SGCZ: variants seen among roughly 807,000 people sequenced by gnomAD.
The protein encoded by SGCZ is sarcoglycan zeta.
SGCZ carries 40 observed loss-of-function variants against 41.3 expected under a neutral mutation model. The observed-to-expected ratio is 0.97, with a 90% confidence interval of 0.75 to 1.26. The LOEUF (loss-of-function observed/expected upper bound fraction) is 1.26. Ranked by LOEUF, SGCZ falls within the 50% of genes most tolerant of loss-of-function variation. The pLI, the probability that SGCZ is intolerant of heterozygous loss-of-function variation, is 0.00. For synonymous variants in SGCZ, 206 were observed against 137.5 expected (o/e 1.50, Z -3.49); for missense variants, 552 against 369.8 (o/e 1.49, Z -4.04).
rs1426715796 is a variant in SGCZ at position 14,255,332 on chromosome 8, G to A, written c.337-17653C>T. ...TGATCTTGTCACATTCACTTCATGA[G>A]CCTCTCTCCTGCTCATTCGAAGATG... On this transcript the variant is annotated intron_variant, in intron 3 of 7. Transcript: ENST00000382080. Among the ~76,000 whole-genome samples, 5 of 152,190 alleles carry A rather than the reference G, an allele frequency of 3.3e-5. No individual in the cohort carries two copies. The East Asian group carries it at 9.7e-4, about 29-fold the overall frequency.
intron 1 of SGCZ, among the ~76,000 whole-genome samples, chr8:14,780,833 A>AT (rs1211241461): frequency 8.5e-5 from 13 of 152,236 alleles, no homozygotes; most frequent in African/African-American, 2.2e-4. Context: ...CAGAGGAATG[A>AT]TTTTTTCTTT....
At chr8:14,492,298 T>C (rs902378313) in intron 2 of SGCZ, among the ~76,000 whole-genome samples, 1 of 152,210 alleles carries the variant, frequency 6.6e-6, no homozygotes, top group African/African-American at 2.4e-5. Flanking sequence ...GGGTAAGGAT[T>C]GGTATAAGCT....
intron 1 of SGCZ, among the ~76,000 whole-genome samples, chr8:14,716,772 C>T (rs1417137052): frequency 6.6e-6 from 1 of 151,988 alleles, no homozygotes; most frequent in Non-Finnish European, 1.5e-5. Flanking sequence ...CCTTTTATTT[C>T]ATTTACCTTG....
In SGCZ at chr8:14,274,363, G is replaced by A. The variant is rs541677888; in HGVS notation, c.337-36684C>T. Among the ~76,000 whole-genome samples, 107 of 152,132 alleles carry A rather than the reference G, an allele frequency of 7.0e-4. 1 individual carries two copies. Among genetic ancestry groups the A allele is most frequent in the Non-Finnish European group, 1.4e-3 (95 of 68,002 alleles). ...TTATTAACGCTGCACTTATTAAGGA[G>A]ACAGTTGGTCCATAAATATTTCACC... On this transcript the variant is annotated intron_variant, in intron 3 of 7. Transcript: ENST00000382080.
intron 1 of SGCZ, among the ~76,000 whole-genome samples, chr8:14,744,418 C>T (rs914400569): frequency 2.0e-5 from 3 of 152,218 alleles, no homozygotes; most frequent in African/African-American, 7.2e-5. Flanking sequence ...ATCTTCTATC[C>T]ATAGGGCTTG....
rs115943684 is a variant in SGCZ, at chr8:15,065,022, C to A, written c.39+172563G>T. The stretch of plus-strand genomic sequence containing the variant: ...CAGGCTTCATTTTGCTAAACTAATT[C>A]AATACAACACCAGCAAGGGAGACTT... On this transcript the variant is annotated intron_variant, in intron 1 of 7. Coordinates refer to ENST00000382080, the MANE Select transcript of SGCZ (RefSeq NM_139167.4). Among the ~76,000 whole-genome samples, 6 of 152,232 alleles carry A rather than the reference C, an allele frequency of 3.9e-5. No individual in the cohort carries two copies. In the South Asian group the frequency reaches 1.2e-3, roughly 32 times the overall value.
intron 1 of SGCZ, among the ~76,000 whole-genome samples, chr8:14,631,846 A>G (rs1212839421): frequency 1.3e-5 from 2 of 152,062 alleles, no homozygotes; most frequent in Non-Finnish European, 2.9e-5. Context: ...TTTATTTTAA[A>G]AAGAAACAAC....
chr8:14,297,548 G>T (rs943283606), intron 3 of SGCZ, among the ~76,000 whole-genome samples: 5 of 151,532 alleles, frequency 3.3e-5, no homozygotes, highest in African/African-American at 4.8e-5. Context: ...CAAAATTACC[G>T]CTTTCTAGAA....
chr8:15,085,378 G>A (rs1805910569), intron 1 of SGCZ, among the ~76,000 whole-genome samples: 1 of 152,146 alleles, frequency 6.6e-6, no homozygotes, highest in African/African-American at 2.4e-5. Context: ...AAGACTCTTA[G>A]ACACACGTGC....
chr8:14,522,382 A>G (rs1313974227), intron 2 of SGCZ, among the ~76,000 whole-genome samples: 1 of 151,966 alleles, frequency 6.6e-6, no homozygotes, highest in Non-Finnish European at 1.5e-5. Flanking sequence ...AAGATATTTT[A>G]TTGGTGATAT....
intron 1 of SGCZ, among the ~76,000 whole-genome samples, chr8:14,891,490 C>T (rs1805018133): frequency 6.6e-6 from 1 of 152,138 alleles, no homozygotes; most frequent in African/African-American, 2.4e-5. Context: ...CAGGATAAAA[C>T]ATTAGGATAA....
At chr8:14,751,478 A>G (rs1232165551) in intron 1 of SGCZ, among the ~76,000 whole-genome samples, 2 of 152,218 alleles carry the variant, frequency 1.3e-5, no homozygotes, top group Non-Finnish European at 2.9e-5. Context: ...TTAAAATACC[A>G]TAATAAAGGC....
chr8:14,214,472 C>A (rs1315908843), intron 4 of SGCZ, among the ~76,000 whole-genome samples: 1 of 152,068 alleles, frequency 6.6e-6, no homozygotes, highest in Middle Eastern at 3.2e-3. Flanking sequence ...AAATGTACCA[C>A]ACCAATATAA....
In SGCZ at chr8:14,424,812, C is replaced by T. The variant is rs565383643; in HGVS notation, c.235-100608G>A. The stretch of plus-strand genomic sequence containing the variant: ...GTTTGCTAACTCTTCCTTCATTTAT[C>T]TTTCTACATTATGCTGATGTTGACA... On this transcript the variant is annotated intron_variant, in intron 2 of 7. Coordinates refer to ENST00000382080, the MANE Select transcript of SGCZ (RefSeq NM_139167.4). Among the ~76,000 whole-genome samples the T allele has an allele frequency of 2.2e-4, 33 of 152,248 alleles. 1 individual carries two copies. The South Asian group carries it at 3.3e-3, about 15-fold the overall frequency.
chr8:14,463,410 A>C (rs1006706187), intron 2 of SGCZ, among the ~76,000 whole-genome samples: 29 of 151,320 alleles, frequency 1.9e-4, no homozygotes, highest in African/African-American at 6.3e-4. Context: ...TGGTGTAAAA[A>C]AAAAAAAAAA....
chr8:15,105,621 C>T (rs949147066), intron 1 of SGCZ, among the ~76,000 whole-genome samples: 8 of 152,188 alleles, frequency 5.3e-5, no homozygotes, highest in South Asian at 2.1e-4. Flanking sequence ...CCCAACAGGC[C>T]GTCCTTCAAC....
At chr8:15,034,101 T>C (rs908028779) in intron 1 of SGCZ, among the ~76,000 whole-genome samples, 5 of 152,156 alleles carry the variant, frequency 3.3e-5, no homozygotes, top group African/African-American at 1.2e-4. Flanking sequence ...CAATAATCTT[T>C]GAGTAGCTGA....
chr8:14,643,995 T>C (rs1344134033), intron 1 of SGCZ, among the ~76,000 whole-genome samples: 1 of 148,422 alleles, frequency 6.7e-6, no homozygotes, highest in Non-Finnish European at 1.5e-5. Flanking sequence ...TTCTTAAAAA[T>C]ATATTTTGTA....
chr8:14,981,870 C>G (rs1410921170), intron 1 of SGCZ, among the ~76,000 whole-genome samples: 1 of 152,112 alleles, frequency 6.6e-6, no homozygotes, highest in Non-Finnish European at 1.5e-5. Flanking sequence ...TGACATTAGG[C>G]TGAAGGTGGT....
Sources: gnomAD v4.1 joint callset for allele counts (sites outside exome capture counted in the v4.1 genomes callset) on GRCh38, gnomAD v4.1.1 for gene constraint, MANE v1.5 for transcripts, NCBI Gene and HGNC (gene_info 2026-07-23, HGNC 2026-07-21) for gene names.